IGF2BP2: variants seen among roughly 807,000 people sequenced by gnomAD.
The protein encoded by IGF2BP2 is insulin like growth factor 2 mRNA binding protein 2.
Under a neutral mutation model 75.8 loss-of-function variants are expected in IGF2BP2, and 17 were observed. The ratio of observed to expected loss-of-function variants is 0.22; its 90% confidence interval spans 0.15 to 0.34. The LOEUF (loss-of-function observed/expected upper bound fraction) is 0.34. IGF2BP2 is among the 10% of genes least tolerant of loss of function. IGF2BP2 has a pLI of 1.00. For synonymous variants in IGF2BP2, 288 were observed against 295.6 expected (o/e 0.97, Z 0.26); for missense variants, 516 against 772.4 (o/e 0.67, Z 3.93).
chr3:185,787,208 T>C (rs1041914394), intron 2 of IGF2BP2, among the ~76,000 whole-genome samples: 1 of 152,204 alleles, frequency 6.6e-6, no homozygotes, highest in Non-Finnish European at 1.5e-5. Flanking sequence ...TGGAGATAGA[T>C]AGTGGCGATG....
At chr3:185,804,059 C>G (rs1009725179) in intron 2 of IGF2BP2, among the ~76,000 whole-genome samples, 1 of 151,968 alleles carries the variant, frequency 6.6e-6, no homozygotes, top group African/African-American at 2.4e-5. Context: ...GAGCTCAAGA[C>G]CAGCCTGGCT....
intron 2 of IGF2BP2, among the ~76,000 whole-genome samples, chr3:185,777,312 TA>T (rs1167093209): frequency 6.6e-6 from 1 of 151,896 alleles, no homozygotes; most frequent in Non-Finnish European, 1.5e-5. Context: ...TCTAAAAAAA[TA>T]AAAGATTAGC....
At chr3:185,691,027 G>C (rs1721879797) in intron 5 of IGF2BP2, among the ~76,000 whole-genome samples, 1 of 152,158 alleles carries the variant, frequency 6.6e-6, no homozygotes, top group Admixed American at 6.6e-5. Flanking sequence ...GTGGAGTTGA[G>C]TTGTTGGTGT....
intron 2 of IGF2BP2, among the ~76,000 whole-genome samples, chr3:185,811,830 G>GTCTCTCTCTGTCTC: frequency 8.3e-6 from 1 of 120,808 alleles, no homozygotes; most frequent in South Asian, 2.9e-4. Flanking sequence ...AGAGTAGGGT[G>GTCTCTCTCTGTCTC]TCTCTCTCTC....
intron 12 of IGF2BP2, 52 bp downstream of exon 12, chr3:185,657,234 G>T: frequency 2.4e-6 from 3 of 1,237,302 alleles, no homozygotes; most frequent in South Asian, 1.2e-5. Flanking sequence ...CAAGGGCCGT[G>T]GGATGAGAGG....
At chr3:185,694,134 G>C (rs142053754) in intron 4 of IGF2BP2, among the ~76,000 whole-genome samples, 1 of 152,190 alleles carries the variant, frequency 6.6e-6, no homozygotes, top group Non-Finnish European at 1.5e-5. Flanking sequence ...CCCGAGCCCA[G>C]CTCTGGCCTT....
intron 2 of IGF2BP2, among the ~76,000 whole-genome samples, chr3:185,775,024 GAA>G (rs879369395): frequency 1.5e-5 from 2 of 129,204 alleles, no homozygotes; most frequent in Admixed American, 7.8e-5. Flanking sequence ...CGTCTAAAAA[GAA>G]AAAAAAAAAA....
intron 2 of IGF2BP2, among the ~76,000 whole-genome samples, chr3:185,780,386 T>C (rs1179015842): frequency 1.3e-5 from 2 of 152,216 alleles, no homozygotes; most frequent in Non-Finnish European, 2.9e-5. Context: ...AGTAGCTATA[T>C]AGTTCCTTGG....
At chr3:185,648,228 G>A (rs558541623) in intron 14 of IGF2BP2, among the ~76,000 whole-genome samples, 2 of 152,248 alleles carry the variant, frequency 1.3e-5, no homozygotes, top group African/African-American at 4.8e-5. Context: ...AGGCCGAGGC[G>A]GGCGGATCAC....
intron 5 of IGF2BP2, 82 bp from the exon 6 acceptor site, chr3:185,689,709 C>T: frequency 2.0e-6 from 3 of 1,536,618 alleles, no homozygotes; most frequent in Non-Finnish European, 2.7e-6. Context: ...TGGCTCACGC[C>T]TGTAATCCCA....
intron 2 of IGF2BP2, among the ~76,000 whole-genome samples, chr3:185,795,087 C>T (rs549993892): frequency 1.3e-5 from 2 of 152,062 alleles, no homozygotes; most frequent in Admixed American, 6.6e-5. Context: ...TTAGTAGAGA[C>T]GAGGTTTCAC....
At chr3:185,754,925 CTT>C (rs752693841) in intron 2 of IGF2BP2, among the ~76,000 whole-genome samples, 1 of 152,112 alleles carries the variant, frequency 6.6e-6, no homozygotes, top group African/African-American at 2.4e-5. Context: ...TAAAGTGGAA[CTT>C]ATATTTAAAA....
At chr3:185,650,469 G>A (rs1403288898) in intron 13 of IGF2BP2, among the ~76,000 whole-genome samples, 1 of 152,060 alleles carries the variant, frequency 6.6e-6, no homozygotes. Context: ...TTGAGGCCAG[G>A]AGTTCAAGAT....
At chr3:185,673,438 G>C (rs1718831346) in intron 9 of IGF2BP2, among the ~76,000 whole-genome samples, 1 of 152,244 alleles carries the variant, frequency 6.6e-6, no homozygotes, top group Non-Finnish European at 1.5e-5. Context: ...CCATTAGCCA[G>C]GTTCGGGATG....
At chr3:185,762,682 G>A (rs868588618) in intron 2 of IGF2BP2, among the ~76,000 whole-genome samples, 6 of 152,056 alleles carry the variant, frequency 3.9e-5, no homozygotes, top group Non-Finnish European at 8.8e-5. Flanking sequence ...TGCAATAATA[G>A]AGCTTATACT....
chr3:185,698,558 T>C (rs60806320), intron 2 of IGF2BP2, among the ~76,000 whole-genome samples: 3 of 152,164 alleles, frequency 2.0e-5, no homozygotes, highest in South Asian at 2.1e-4. Context: ...GGCTGGAGTA[T>C]AGGTGGTGCG....
chr3:185,675,245 G>A, intron 9 of IGF2BP2, 51 bp downstream of exon 9: 1 of 1,575,504 alleles, frequency 6.3e-7, no homozygotes, highest in Middle Eastern at 2.3e-4. Flanking sequence ...TGAATGGCAA[G>A]TATTTTTAGC....
At chr3:185,766,795 T>G (rs1733139101) in intron 2 of IGF2BP2, among the ~76,000 whole-genome samples, 1 of 152,204 alleles carries the variant, frequency 6.6e-6, no homozygotes, top group Non-Finnish European at 1.5e-5. Context: ...GTGAGTTATA[T>G]CCTGTTTAGA....
intron 7 of IGF2BP2, among the ~76,000 whole-genome samples, chr3:185,679,844 G>C (rs939118180): frequency 3.3e-5 from 5 of 152,094 alleles, no homozygotes; most frequent in African/African-American, 9.7e-5. Flanking sequence ...TTCAACTCCT[G>C]ACCTTGTGAT....
Sources: allele counts gnomAD v4.1 joint callset (sites outside exome capture counted in the v4.1 genomes callset), GRCh38; gene constraint gnomAD v4.1.1; transcripts MANE v1.5; gene names NCBI Gene and HGNC (gene_info 2026-07-23, HGNC 2026-07-21).